TECTA: variants seen among roughly 807,000 people sequenced by gnomAD.
TECTA encodes the protein tectorin alpha.
Under a neutral mutation model 216.8 loss-of-function variants are expected in TECTA, and 128 were observed. That is an observed-to-expected ratio of 0.59 (90% CI 0.51 to 0.68). The LOEUF is 0.68. Ranked by LOEUF, TECTA falls within the 30% of genes least tolerant of loss-of-function variation. The pLI, the probability that TECTA is intolerant of heterozygous loss-of-function variation, is 0.00. For synonymous variants in TECTA, 1,089 were observed against 1,117.1 expected (o/e 0.97, Z 0.50); for missense variants, 2,551 against 2,786.2 (o/e 0.92, Z 1.90).
At chr11:121,157,769 G>T in intron 13 of TECTA, 72 bp from the exon 14 acceptor site, 1 of 1,607,910 alleles carries the variant, frequency 6.2e-7, no homozygotes, top group South Asian at 1.1e-5. Flanking sequence ...TAAAAGACGA[G>T]GGGGACTGGG....
In TECTA at chr11:121,157,964, C is replaced by T. The variant is rs1488088388; in HGVS notation, c.4429C>T (p.Arg1477Cys). ...GGAGTGTGCGCTGCGCAACGGGGTG[C>T]GCGGCTGCTTCAGCACCAAGACCTC... ...DEECALRNGV[R>C]GCFSTKTSYC... Residue 1477 changes from arginine (R) to cysteine (C), a missense_variant, in exon 14 of 24, where the codon CGC becomes TGC. Arg to Cys is a radical substitution (Grantham distance 180). This residue lies in a region of TECTA where 2,375 missense variants were observed against 2,563.9 expected (regional missense o/e 0.93). Transcript: ENST00000392793. The T allele has an allele frequency of 6.2e-7, 1 of 1,613,612 alleles. No homozygotes were observed. Among genetic ancestry groups the T allele is most frequent in the East Asian group, 2.2e-5 (1 of 44,886 alleles).
intron 15 of TECTA, 95 bp downstream of exon 15, chr11:121,160,516 T>C: frequency 6.6e-7 from 1 of 1,525,046 alleles, no homozygotes; most frequent in Non-Finnish European, 9.0e-7. Flanking sequence ...TCCTTAGCAC[T>C]GCCCCTGCTC....
intron 20 of TECTA, among the ~76,000 whole-genome samples, chr11:121,182,034 T>A (rs1209890548): frequency 6.6e-6 from 1 of 152,218 alleles, no homozygotes; most frequent in African/African-American, 2.4e-5. Context: ...AGTCAGTGAC[T>A]TAGGCTATTA....
In TECTA at chr11:121,174,928, A is replaced by G. The variant is rs184161020; in HGVS notation, c.5999+6003A>G. ...TCCTGATTTAGTCTTGGGAGGGTGTATGTGTCGAGGAATTTATCCATTTCT... is the reference window on the plus strand; with the variant it reads ...TCCTGATTTAGTCTTGGGAGGGTGTGTGTGTCGAGGAATTTATCCATTTCT... On this transcript the variant is annotated intron_variant, in intron 20 of 23. Transcript: ENST00000392793. 4.9e-3 allele frequency among the ~76,000 whole-genome samples: 753 copies of G among 152,290 alleles called. 7 individuals are homozygous for G. The highest frequency in any genetic ancestry group is 0.017 in the African/African-American group (705 of 41,554).
chr11:121,140,450 G>C (rs1415879433), intron 11 of TECTA, among the ~76,000 whole-genome samples: 2 of 152,196 alleles, frequency 1.3e-5, no homozygotes, highest in Admixed American at 6.5e-5. Flanking sequence ...TCCCAAGCCT[G>C]GAGAACCACA....
At chr11:121,111,133 A>T (rs896731713) in intron 4 of TECTA, among the ~76,000 whole-genome samples, 5 of 152,350 alleles carry the variant, frequency 3.3e-5, no homozygotes, top group African/African-American at 1.2e-4. Context: ...TACTTCAAGG[A>T]AGGAAAACTA....
At chr11:121,148,373 T>C (rs540396928) in intron 12 of TECTA, among the ~76,000 whole-genome samples, 2 of 151,942 alleles carry the variant, frequency 1.3e-5, no homozygotes, top group African/African-American at 4.8e-5. Context: ...ATGGTGGTAA[T>C]GAATGGCAAA....
Position 121,102,717 on chromosome 11 carries a change from G to T in TECTA, c.52G>T (p.Val18Leu). ...TTGGGTCTCTTTCATCTTCGCACTTGTACAGCACCAAGGTGAGTACTACAG... is the reference window on the plus strand; with the variant it reads ...TTGGGTCTCTTTCATCTTCGCACTTTTACAGCACCAAGGTGAGTACTACAG... ...RIWVSFIFALVQHQAQPRELM... is the reference protein window; with the variant it reads ...RIWVSFIFALLQHQAQPRELM... Residue 18 changes from valine to leucine, a missense_variant, in exon 2 of 24, where the codon GTA (valine) becomes TTA (leucine). Physicochemically the swap from Val to Leu is conservative, Grantham distance 32. Transcript: ENST00000392793. The T allele has an allele frequency of 1.2e-6, 2 of 1,613,530 alleles. No homozygotes were observed. The highest frequency in any genetic ancestry group is 2.2e-5 in the South Asian group (2 of 91,044).
intron 12 of TECTA, among the ~76,000 whole-genome samples, chr11:121,147,217 A>G (rs1172908011): frequency 1.3e-5 from 2 of 152,200 alleles, no homozygotes; most frequent in Admixed American, 6.5e-5. Flanking sequence ...TAAAACTACA[A>G]ATTGATCCTG....
intron 20 of TECTA, among the ~76,000 whole-genome samples, chr11:121,169,969 A>G (rs1182355007): frequency 2.0e-5 from 3 of 152,166 alleles, no homozygotes; most frequent in Non-Finnish European, 4.4e-5. Context: ...CCTTTTATCT[A>G]AATGCACGTT....
Position 121,181,890 on chromosome 11 carries a change from G to C in TECTA, c.6000-5942G>C, listed in dbSNP as rs1947233487. 5.3e-5 allele frequency among the ~76,000 whole-genome samples: 8 copies of C among 152,214 alleles called. No homozygotes were observed. In the South Asian group the frequency reaches 1.7e-3, roughly 31 times the overall value. On this transcript the variant is annotated intron_variant, in intron 20 of 23. Coordinates refer to ENST00000392793, the MANE Select transcript of TECTA (RefSeq NM_005422.4). ...AATTTTATGGATTGGCTTTTGTAGG[G>C]ACAGAGTTTTTCCTATAGATGTATC...
Position 121,166,617 on chromosome 11 carries a change from C to T in TECTA, c.5423C>T (p.Ala1808Val). The stretch of plus-strand genomic sequence containing the variant: ...ATCGATGCAGAGGTGACCTGCAAAG[C>T]AGCCCAAATGGAAGTGTCCATATCT... The part of the protein sequence containing the change: ...DIIDAEVTCK[A>V]AQMEVSISKC... Residue 1808 changes from alanine (A) to valine (V), a missense_variant, in exon 18 of 24, where the codon GCA becomes GTA. Transcript: ENST00000392793. The T allele has an allele frequency of 1.2e-6, 2 of 1,614,226 alleles. No homozygotes were observed. Among genetic ancestry groups the T allele is most frequent in the Non-Finnish European group, 1.7e-6 (2 of 1,180,048 alleles).
intron 11 of TECTA, among the ~76,000 whole-genome samples, chr11:121,143,601 G>A (rs987613249): frequency 8.5e-5 from 13 of 152,248 alleles, no homozygotes; most frequent in African/African-American, 3.1e-4. Context: ...GGGAAAGGCC[G>A]TATGTGCTTT....
intron 10 of TECTA, among the ~76,000 whole-genome samples, chr11:121,135,043 C>G (rs1465979678): frequency 6.6e-6 from 1 of 152,122 alleles, no homozygotes; most frequent in Non-Finnish European, 1.5e-5. Context: ...TTGAGATGTC[C>G]CCCAGGATGT....
chr11:121,188,949 G>T, intron 21 of TECTA, 131 bp from the exon 22 acceptor site: 2 of 844,934 alleles, frequency 2.4e-6, no homozygotes, highest in Admixed American at 2.0e-5. Flanking sequence ...AGAATGCATT[G>T]GTTCTAATTA....
intron 9 of TECTA, among the ~76,000 whole-genome samples, chr11:121,129,078 G>A (rs1019373093): frequency 1.3e-5 from 2 of 152,206 alleles, no homozygotes; most frequent in Non-Finnish European, 2.9e-5. Flanking sequence ...ACACAGTACT[G>A]CCCAAGGAGA....
In TECTA at chr11:121,154,832, C is replaced by T. The variant is rs564976675; in HGVS notation, c.4305+1752C>T. On this transcript the variant is annotated intron_variant, in intron 13 of 23. Transcript: ENST00000392793. The stretch of plus-strand genomic sequence containing the variant: ...CGAGTCCTTCAATAATTGGTAGCTG[C>T]TATTGTTATTGTTGTTTTGTTATTC... 2.6e-5 allele frequency among the ~76,000 whole-genome samples: 4 copies of T among 152,256 alleles called. 1 individual carries two copies. In the South Asian group the frequency reaches 6.2e-4, roughly 24 times the overall value.
chr11:121,153,591 T>C (rs1946914481), intron 13 of TECTA, among the ~76,000 whole-genome samples: 1 of 152,234 alleles, frequency 6.6e-6, no homozygotes, highest in African/African-American at 2.4e-5. Flanking sequence ...CATCTCCACG[T>C]GTGCCATTTG....
chr11:121,126,444 C>A (rs1355679035), intron 8 of TECTA, among the ~76,000 whole-genome samples: 1 of 152,206 alleles, frequency 6.6e-6, no homozygotes, highest in Non-Finnish European at 1.5e-5. Flanking sequence ...AATCCTGGCT[C>A]TTTTGAATTA....
Sources: gnomAD v4.1 joint callset for allele counts (sites outside exome capture counted in the v4.1 genomes callset) on GRCh38, gnomAD v4.1.1 for gene constraint, gnomAD v4.1.1 regional missense constraint, MANE v1.5 for transcripts, NCBI Gene and HGNC (gene_info 2026-07-23, HGNC 2026-07-21) for gene names.